The following ANKMY1 variants were observed in gnomAD, a reference collection of about 807,000 sequenced individuals.
ANKMY1 encodes the protein ankyrin repeat and MYND domain-containing protein 1.
A neutral mutation model predicts 102.0 loss-of-function variants in ANKMY1; 98 were observed. The ratio of observed to expected loss-of-function variants is 0.96; its 90% CI spans 0.82 to 1.14. The LOEUF is 1.14. Ranked by LOEUF, ANKMY1 falls within the 50% of genes most tolerant of loss-of-function variation. ANKMY1 has a pLI of 0.00. For synonymous variants in ANKMY1, 582 were observed against 559.9 expected (o/e 1.04, Z -0.56); for missense variants, 1,330 against 1,347.6 (o/e 0.99, Z 0.20).
At chr2:240,554,768 A>G in intron 3 of ANKMY1, 98 bp downstream of exon 3, 2 of 1,390,782 alleles carry the variant, frequency 1.4e-6, no homozygotes, top group Non-Finnish European at 2.0e-6. Context: ...CTTCCTGTTG[A>G]TGGGCCTAAA....
chr2:240,473,533 G>A, the ANKMY1 span, among the ~76,000 whole-genome samples: 2 of 147,106 alleles, frequency 1.4e-5, no homozygotes, highest in Non-Finnish European at 3.0e-5. Flanking sequence ...AAAAGCATAC[G>A]GGACCTACGG....
rs187623572 is a variant in ANKMY1, at chr2:240,500,127, C to T, written c.2641-4G>A. 1.9e-4 allele frequency: 298 copies of T among 1,592,082 alleles called. 2 individuals are homozygous for T. The highest frequency in any genetic ancestry group is 1.8e-3 in the South Asian group (159 of 88,236). The stretch of plus-strand genomic sequence containing the variant: ...GGCAGCGGGCAATCCTCCGGTCCTG[C>T]GGCACAGCACCAGGGTCACCACAGG... On this transcript the variant is annotated splice_region_variant and splice_polypyrimidine_tract_variant and intron_variant, in intron 14 of 17. Transcript: ENST00000401804.
At chr2:240,548,613 C>A (rs1352111097) in intron 4 of ANKMY1, among the ~76,000 whole-genome samples, 1 of 151,768 alleles carries the variant, frequency 6.6e-6, no homozygotes, top group African/African-American at 2.4e-5. Flanking sequence ...ATCTAGAAAA[C>A]CCCATTGTCT....
intron 4 of ANKMY1, among the ~76,000 whole-genome samples, chr2:240,550,001 C>A (rs2125047147): frequency 6.6e-6 from 1 of 151,826 alleles, no homozygotes; most frequent in Non-Finnish European, 1.5e-5. Context: ...TTTGACCCAG[C>A]CATCCCATTA....
At chr2:240,534,690 AAAAT>A (rs1167111315) in intron 4 of ANKMY1, among the ~76,000 whole-genome samples, 2 of 152,394 alleles carry the variant, frequency 1.3e-5, no homozygotes, top group African/African-American at 2.4e-5. Context: ...ATATGGTCTC[AAAAT>A]AAATAAAGCA....
At chr2:240,482,127 C>T (rs970572811) in intron 16 of ANKMY1, 56 bp downstream of exon 16, 19 of 1,581,246 alleles carry the variant, frequency 1.2e-5, no homozygotes, top group Non-Finnish European at 2.6e-6. Flanking sequence ...CACAACAGCA[C>T]TGTCCAAACC....
rs374206181 is a variant in ANKMY1 at position 240,481,047 on chromosome 2, C to T, written c.2936G>A (p.Arg979His). 1.8e-5 allele frequency: 29 copies of T among 1,613,112 alleles called. No homozygotes were observed. The highest frequency in any genetic ancestry group is 4.4e-5 in the South Asian group (4 of 91,020). Reference protein sequence around the residue: ...CYQCGRSIGVRLLPCPRCYGI... With the variant: ...CYQCGRSIGVHLLPCPRCYGI... ...GTAGCAGCGAGGGCAGGGCAAGAGG[C>T]GGACCCCGATGGAGCGGCCACACTG... The change falls in exon 17 of 18, where the codon CGC becomes CAC. Residue 979 changes from arginine to histidine, a missense_variant. By Grantham distance (29) the Arg-to-His change is conservative. Coordinates refer to ENST00000401804, the MANE Select transcript of ANKMY1 (RefSeq NM_001282771.3).
chr2:240,540,531 C>T (rs779426048), intron 4 of ANKMY1, among the ~76,000 whole-genome samples: 2 of 152,188 alleles, frequency 1.3e-5, no homozygotes, highest in African/African-American at 2.4e-5. Context: ...AGACTCCAGG[C>T]CCCTCATTCA....
At chr2:240,483,178 A>G (rs2075636931) in intron 15 of ANKMY1, among the ~76,000 whole-genome samples, 1 of 150,088 alleles carries the variant, frequency 6.7e-6, no homozygotes, top group Non-Finnish European at 1.5e-5. Context: ...TTTCTTTTTG[A>G]GACAGTCTTG....
chr2:240,507,994 G>A (rs759981095), intron 12 of ANKMY1, among the ~76,000 whole-genome samples: 18 of 152,232 alleles, frequency 1.2e-4, no homozygotes, highest in South Asian at 4.1e-4. Flanking sequence ...ATTCTCCAGC[G>A]TGGTTCCCAG....
intron 9 of ANKMY1, among the ~76,000 whole-genome samples, chr2:240,517,889 C>T (rs1407500183): frequency 2.0e-5 from 3 of 152,122 alleles, no homozygotes; most frequent in East Asian, 3.9e-4. Context: ...GTAGGTTGTT[C>T]TTGCTGTGAT....
chr2:240,472,432 C>T, the ANKMY1 span, among the ~76,000 whole-genome samples: 1 of 152,244 alleles, frequency 6.6e-6, no homozygotes, highest in African/African-American at 2.4e-5. Context: ...CTACAGACCT[C>T]AGTCTCAGCT....
chr2:240,519,041 C>T (rs1268862609), intron 9 of ANKMY1, among the ~76,000 whole-genome samples: 1 of 152,174 alleles, frequency 6.6e-6, no homozygotes, highest in African/African-American at 2.4e-5. Context: ...AGTGCTGAAA[C>T]GATGGACGAG....
intron 4 of ANKMY1, among the ~76,000 whole-genome samples, chr2:240,536,934 A>C (rs1281601088): frequency 6.6e-6 from 1 of 152,222 alleles, no homozygotes; most frequent in Non-Finnish European, 1.5e-5. Context: ...TATGTTGCCC[A>C]GGCTAGTTTC....
Position 240,529,077 on chromosome 2 carries a change from G to A in ANKMY1, c.913C>T (p.Pro305Ser), listed in dbSNP as rs777461062. 1 of 1,614,166 alleles carries A rather than the reference G, an allele frequency of 6.2e-7. No homozygotes were observed. The highest frequency in any genetic ancestry group is 8.5e-7 in the Non-Finnish European group (1 of 1,180,024). ...GEPWFIINET[P>S]LLVKIQKQTY... ...TGCTTCTGGATTTTGACCAACAAAG[G>A]GGTCTCATTGATTATGAACCATGGT... Residue 305 changes from proline (P) to serine (S), a missense_variant, in exon 5 of 18, where the codon CCT (proline) becomes TCT (serine). Coordinates refer to ENST00000401804, the MANE Select transcript of ANKMY1 (RefSeq NM_001282771.3). This position sits in a 1 kb window ranked among gnomAD's most constrained non-coding sequence, Gnocchi z 4.2.
Position 240,520,453 on chromosome 2 carries a change from A to C in ANKMY1, c.1913T>G (p.Val638Gly), listed in dbSNP as rs1446652330. The change falls in exon 9 of 18, where the codon GTC becomes GGC. Residue 638 changes from valine (V) to glycine (G), a missense_variant. Transcript: ENST00000401804. This position sits in a 1 kb window ranked among gnomAD's most constrained non-coding sequence, Gnocchi z 4.8. ...CCCGGCCTTCACAGCAAGGAACAGGACCTGCATGGGCACGCAGCACAGGTT... is the reference window on the plus strand; with the variant it reads ...CCCGGCCTTCACAGCAAGGAACAGGCCCTGCATGGGCACGCAGCACAGGTT... ...DPNLCCVPMQ[V>G]LFLAVKAGDV... The C allele has an allele frequency of 5.0e-6, 8 of 1,613,254 alleles. No homozygotes were observed. The South Asian group carries it at 8.8e-5, about 18-fold the overall frequency.
intron 15 of ANKMY1, among the ~76,000 whole-genome samples, chr2:240,486,133 CA>C (rs966499330): frequency 2.0e-5 from 3 of 152,064 alleles, no homozygotes; most frequent in African/African-American, 7.2e-5. Context: ...TTGGTTATAT[CA>C]AAATCATTTA....
intron 15 of ANKMY1, among the ~76,000 whole-genome samples, chr2:240,496,958 T>C (rs186903510): frequency 2.0e-5 from 3 of 152,366 alleles, no homozygotes; most frequent in African/African-American, 7.2e-5. Flanking sequence ...CAAACCATGG[T>C]ATATAATTGC....
chr2:240,532,665 A>ATGTAAAAAGCTG (rs1303724109), intron 4 of ANKMY1, among the ~76,000 whole-genome samples: 1 of 152,224 alleles, frequency 6.6e-6, no homozygotes, highest in Non-Finnish European at 1.5e-5. Flanking sequence ...AAAGCTGCAC[A>ATGTAAAAAGCTG]TACATGTATA....
Sources: allele counts gnomAD v4.1 joint callset (sites outside exome capture counted in the v4.1 genomes callset), GRCh38; gene constraint gnomAD v4.1.1; non-coding constraint Gnocchi (gnomAD v3.1); transcripts MANE v1.5; gene names NCBI Gene and HGNC (gene_info 2026-07-23, HGNC 2026-07-21).